The following SPARCL1 variants were observed in gnomAD, a reference collection of about 807,000 sequenced individuals.
SPARCL1 encodes the protein SPARC-like protein 1.
A neutral mutation model predicts 67.1 loss-of-function variants in SPARCL1; 52 were observed. The observed-to-expected ratio is 0.78, with a 90% confidence interval of 0.62 to 0.98. SPARCL1 has a LOEUF of 0.98. SPARCL1 is among the 50% of genes least tolerant of loss of function. The probability of loss-of-function intolerance (pLI) is 0.00; values close to 1 mark genes in which losing one functional copy is unlikely to be tolerated. For synonymous variants in SPARCL1, 226 were observed against 267.8 expected (o/e 0.84, Z 1.52); for missense variants, 717 against 782.4 (o/e 0.92, Z 1.00).
intron 7 of SPARCL1, 143 bp downstream of exon 7, chr4:87,490,126 CTTAT>C: frequency 1.2e-6 from 1 of 850,562 alleles, no homozygotes; most frequent in Non-Finnish European, 1.7e-6. Context: ...CCTGAGAGTT[CTTAT>C]TTTTTAAGTT....
intron 1 of SPARCL1, among the ~76,000 whole-genome samples, chr4:87,526,214 A>G (rs763921539): frequency 4.6e-5 from 7 of 152,236 alleles, no homozygotes; most frequent in Non-Finnish European, 1.0e-4. Flanking sequence ...CTGATGCAGC[A>G]GTGAAGTCTC....
intron 10 of SPARCL1, among the ~76,000 whole-genome samples, chr4:87,478,933 G>A (rs1320811539): frequency 2.6e-5 from 4 of 152,192 alleles, no homozygotes; most frequent in African/African-American, 9.6e-5. Context: ...AGCCATGGGT[G>A]AGTTTTGGGT....
chr4:87,486,396 T>C (rs1724059536), intron 7 of SPARCL1, among the ~76,000 whole-genome samples: 1 of 152,218 alleles, frequency 6.6e-6, no homozygotes, highest in Non-Finnish European at 1.5e-5. Context: ...TTCTTAATCC[T>C]GAGTTCTAAT....
intron 1 of SPARCL1, among the ~76,000 whole-genome samples, chr4:87,504,508 A>G (rs1724994234): frequency 6.6e-6 from 1 of 152,130 alleles, no homozygotes; most frequent in Non-Finnish European, 1.5e-5. Flanking sequence ...GATCTTTACA[A>G]CAACCCCAGG....
chr4:87,486,888 C>CTTTTTTTT lies in SPARCL1; in HGVS notation c.1531+3377_1531+3384dup, dbSNP rs57597004. Among the ~76,000 whole-genome samples, 12 of 28,000 alleles carry CTTTTTTTT rather than the reference C, an allele frequency of 4.3e-4. 1 individual carries two copies. The highest frequency in any genetic ancestry group is 1.4e-3 in the South Asian group (1 of 692). The allele number at this position is 28,000 out of a possible 152,430, so 18.4% of individuals were successfully genotyped here. On this transcript the variant is annotated intron_variant, in intron 7 of 10. Coordinates refer to ENST00000282470, the MANE Select transcript of SPARCL1 (RefSeq NM_004684.6). The stretch of plus-strand genomic sequence containing the variant: ...TCTGAGGCTAGTATTGCAATTCCTG[C>CTTTTTTTT]TTTTTTTTTTTTTTTTTTTTTTTTT...
At chr4:87,505,407 A>T (rs889183629) in intron 1 of SPARCL1, among the ~76,000 whole-genome samples, 1 of 152,072 alleles carries the variant, frequency 6.6e-6, no homozygotes, top group Admixed American at 6.5e-5. Flanking sequence ...AAAACATTCT[A>T]TCCTCCTAGT....
chr4:87,475,723 TAA>T (rs765998948), intron 10 of SPARCL1, among the ~76,000 whole-genome samples: 94 of 152,190 alleles, frequency 6.2e-4, no homozygotes, highest in Non-Finnish European at 1.2e-3. Context: ...TGGCTGTAAT[TAA>T]AAAGTCTAAA....
At chr4:87,508,780 A>ATGTGTG (rs1491405960) in intron 1 of SPARCL1, among the ~76,000 whole-genome samples, 1 of 113,984 alleles carries the variant, frequency 8.8e-6, no homozygotes, top group African/African-American at 4.1e-5. Flanking sequence ...TGGATGAAAC[A>ATGTGTG]TATGTGTGTG....
chr4:87,490,322 C>A lies in SPARCL1; in HGVS notation c.1482G>T (p.Gly494=), dbSNP rs995267082. The A allele has an allele frequency of 1.9e-6, 3 of 1,612,386 alleles. No individual in the cohort carries two copies. The highest frequency in any genetic ancestry group is 1.3e-5 in the African/African-American group (1 of 74,762). Residue 494 remains glycine, a synonymous_variant, in exon 7 of 11, where the codon GGG becomes GGT. Transcript: ENST00000282470. ...HLFATKCRLE[G]TKKGHQLQLD... ...GCTGGAGTTGATGCCCCTTTTTGGT[C>A]CCCTCCAGTCTGCATTTAGTAGCGA... is the stretch of plus-strand genomic sequence containing the variant.
At chr4:87,493,156 C>T (rs535003219) in intron 4 of SPARCL1, among the ~76,000 whole-genome samples, 3 of 152,296 alleles carry the variant, frequency 2.0e-5, no homozygotes, top group Admixed American at 6.5e-5. Flanking sequence ...ACCTGGCTCA[C>T]TCAAGGGACA....
intron 1 of SPARCL1, among the ~76,000 whole-genome samples, chr4:87,507,299 C>T (rs933278402): frequency 6.6e-6 from 1 of 152,208 alleles, no homozygotes; most frequent in Non-Finnish European, 1.5e-5. Context: ...CAGCAACATG[C>T]ATAACTAATT....
At chr4:87,516,075 C>A (rs908810579) in intron 1 of SPARCL1, among the ~76,000 whole-genome samples, 1 of 152,146 alleles carries the variant, frequency 6.6e-6, no homozygotes, top group Non-Finnish European at 1.5e-5. Flanking sequence ...GGAACTTTTA[C>A]CTAATCTCCT....
At position 87,490,331 on chromosome 4, in the gene SPARCL1, T is replaced by A. The variant is rs1027712626; in HGVS notation, c.1473A>T (p.Arg491Ser). 6.2e-7 allele frequency: 1 copy of A among 1,613,644 alleles called. No homozygotes were observed. Among genetic ancestry groups the A allele is most frequent in the African/African-American group, 1.3e-5 (1 of 75,022 alleles). Residue 491 changes from arginine (R) to serine (S), a missense_variant, in exon 7 of 11, where the codon AGA (arginine) becomes AGT (serine). Coordinates refer to ENST00000282470, the MANE Select transcript of SPARCL1 (RefSeq NM_004684.6). ...SSCHLFATKCRLEGTKKGHQL... is the reference protein window; with the variant it reads ...SSCHLFATKCSLEGTKKGHQL... Reference sequence around the variant, plus strand: ...GATGCCCCTTTTTGGTCCCCTCCAGTCTGCATTTAGTAGCGAATAGATGAC... The same window carrying A: ...GATGCCCCTTTTTGGTCCCCTCCAGACTGCATTTAGTAGCGAATAGATGAC...
intron 1 of SPARCL1, among the ~76,000 whole-genome samples, chr4:87,526,903 C>G (rs773490481): frequency 2.9e-4 from 44 of 152,202 alleles, no homozygotes; most frequent in Non-Finnish European, 5.4e-4. Flanking sequence ...GAGGTAGCTA[C>G]TGATTTTATA....
chr4:87,509,901 G>C (rs1005526161), intron 1 of SPARCL1, among the ~76,000 whole-genome samples: 2 of 152,166 alleles, frequency 1.3e-5, no homozygotes. Context: ...TGACCTGTGA[G>C]AGACAATTGT....
rs111674201 is a variant in SPARCL1 at position 87,491,947 on chromosome 4, C to T, written c.1219-257G>A. On this transcript the variant is annotated intron_variant, in intron 4 of 10. Coordinates refer to ENST00000282470, the MANE Select transcript of SPARCL1 (RefSeq NM_004684.6). Reference sequence around the variant, plus strand: ...TAGGGAAACTCCATCTCTACCCACCCCCCCCCCCAAAAAAAAAAAAATTAG... The same window carrying T: ...TAGGGAAACTCCATCTCTACCCACCTCCCCCCCCAAAAAAAAAAAAATTAG... Among the ~76,000 whole-genome samples, 548 of 53,938 alleles carry T rather than the reference C, an allele frequency of 0.01. 9 individuals are homozygous for T. The African/African-American group carries it at 0.11, about 11-fold the overall frequency. 35.4% of individuals were successfully genotyped at this position (53,938 alleles called of 152,430 possible).
intron 1 of SPARCL1, among the ~76,000 whole-genome samples, chr4:87,518,153 G>T (rs538109745): frequency 1.3e-5 from 2 of 152,284 alleles, no homozygotes; most frequent in South Asian, 2.1e-4. Context: ...AGTTTGAAAA[G>T]TTCTTTGAAA....
intron 6 of SPARCL1, 137 bp from the exon 7 acceptor site, chr4:87,490,530 A>G (rs1724276426): frequency 1.8e-6 from 2 of 1,084,726 alleles, no homozygotes; most frequent in Admixed American, 5.0e-5. Context: ...TAAAATCGTA[A>G]TTGTTCCATT....
chr4:87,506,442 T>G (rs1457930284), intron 1 of SPARCL1, among the ~76,000 whole-genome samples: 5 of 152,156 alleles, frequency 3.3e-5, no homozygotes, highest in Non-Finnish European at 5.9e-5. Flanking sequence ...ATAAAGCAGA[T>G]TGCTCTACCC....
Sources: allele counts gnomAD v4.1 joint callset (sites outside exome capture counted in the v4.1 genomes callset), GRCh38; gene constraint gnomAD v4.1.1; transcripts MANE v1.5; gene names NCBI Gene and HGNC (gene_info 2026-07-23, HGNC 2026-07-21).